METTL17: variants seen among roughly 807,000 people sequenced by gnomAD.
METTL17 encodes ribosome assembly protein METTL17, mitochondrial.
Under a neutral mutation model 59.4 loss-of-function variants are expected in METTL17, and 49 were observed. That is an observed-to-expected ratio of 0.82 (90% CI 0.66 to 1.05). METTL17 has a LOEUF of 1.05. Ranked by LOEUF, METTL17 falls within the 50% of genes least tolerant of loss-of-function variation. The probability of loss-of-function intolerance (pLI) is 0.00; values close to 1 mark genes in which losing one functional copy is unlikely to be tolerated. For synonymous variants in METTL17, 208 were observed against 209.2 expected, an observed-to-expected ratio of 0.99 and a Z score of 0.05; for missense variants, 555 against 578.4, an observed-to-expected ratio of 0.96 and a Z score of 0.41.
chr14:20,991,887 T>C (rs1880046004), intron 3 of METTL17: 11 of 408,376 alleles, frequency 2.7e-5, no homozygotes, highest in Non-Finnish European at 4.8e-5. Flanking sequence ...TGGGACAGGA[T>C]TGGTTAAGCT....
At chr14:20,992,922 C>A in intron 5 of METTL17, 196 bp from the exon 6 acceptor site, 1 of 613,226 alleles carries the variant, frequency 1.6e-6, no homozygotes. Context: ...TCTCTTTATC[C>A]TGTGAAAGCT....
Position 20,990,312 on chromosome 14 carries a change from C to T in METTL17, c.158C>T (p.Pro53Leu), listed in dbSNP as rs1217147907. The change falls in exon 2 of 14, where the codon CCT becomes CTT. Residue 53 changes from proline (P) to leucine (L), a missense_variant. Transcript: ENST00000339374. ...CAGAAGAGGCCTCATCGCCAGCACC[C>T]TGGCATCCTAAAGCTGCCGCACGTG... Reference protein sequence around the residue: ...FLQKRPHRQHPGILKLPHVRL... With the variant: ...FLQKRPHRQHLGILKLPHVRL... 1.2e-6 allele frequency: 2 copies of T among 1,614,272 alleles called. No homozygotes were observed. Among genetic ancestry groups the T allele is most frequent in the Admixed American group, 1.7e-5 (1 of 60,038 alleles).
intron 10 of METTL17, among the ~76,000 whole-genome samples, chr14:20,995,453 G>A (rs1443807982): frequency 2.0e-5 from 3 of 152,220 alleles, no homozygotes; most frequent in South Asian, 4.1e-4. Flanking sequence ...TTGTGCCTCT[G>A]TTGTCTGTGA....
At position 20,990,265 on chromosome 14, in the gene METTL17, A is replaced by G; in HGVS notation, c.111A>G (p.Val37=). ...LAALVPGVTQ[V]DNKSGFLQKR... ...CCTTAGTACCCGGAGTGACCCAGGTAGATAACAAGTCCGGTTTCCTGCAGA... is the reference window on the plus strand; with the variant it reads ...CCTTAGTACCCGGAGTGACCCAGGTGGATAACAAGTCCGGTTTCCTGCAGA... Residue 37 remains valine, a synonymous_variant, in exon 2 of 14, where the codon GTA becomes GTG. Transcript: ENST00000339374. The G allele has an allele frequency of 6.2e-7, 1 of 1,614,250 alleles. No individual in the cohort carries two copies. Among genetic ancestry groups the G allele is most frequent in the Non-Finnish European group, 8.5e-7 (1 of 1,180,036 alleles).
At chr14:20,994,186 G>A in intron 7 of METTL17, 123 bp downstream of exon 7, 2 of 719,370 alleles carry the variant, frequency 2.8e-6, no homozygotes, top group African/African-American at 1.8e-5. Context: ...TACTTTTAAA[G>A]TTATAGTCAA....
chr14:20,994,438 A>G lies in METTL17; in HGVS notation c.698-105A>G. ...ACCTGGCTCATCCCTGCCCTTTTTG[A>G]TATACACTTTACCTATTCTTGGGGC... On this transcript the variant is annotated intron_variant, in intron 7 of 13. Transcript: ENST00000339374. The G allele has an allele frequency of 3.1e-6, 3 of 973,184 alleles. No homozygotes were observed. The South Asian group carries it at 4.1e-5, about 13-fold the overall frequency. The allele number at this position is 973,184 out of a possible 1,614,324, so 60.3% of individuals were successfully genotyped here.
chr14:20,995,821 C>A, intron 10 of METTL17, 80 bp from the exon 11 acceptor site: 2 of 1,135,524 alleles, frequency 1.8e-6, no homozygotes, highest in South Asian at 1.2e-5. Flanking sequence ...AAGGAGTCCT[C>A]AGTTTACTGA....
At position 20,993,762 on chromosome 14, in the gene METTL17, T is replaced by C. The variant is rs184136726; in HGVS notation, c.603-207T>C. On this transcript the variant is annotated intron_variant, in intron 6 of 13. Coordinates refer to ENST00000339374, the MANE Select transcript of METTL17 (RefSeq NM_022734.3). ...TGCTGGGATTACAAGCATGAGCCAC[T>C]GTGCCCAGCTGAGTCTACCTTTTTT... 2,610 of 365,910 alleles carry C rather than the reference T, an allele frequency of 7.1e-3. 8 individuals carry two copies. Among genetic ancestry groups the C allele is most frequent in the Middle Eastern group, 0.028 (35 of 1,258 alleles). The allele number at this position is 365,910 out of a possible 1,614,324, so 22.7% of individuals were successfully genotyped here.
Position 20,993,116 on chromosome 14 carries a change from A to G in METTL17, c.529-2A>G. On this transcript the variant is annotated splice_acceptor_variant, in intron 5 of 13. Coordinates refer to ENST00000339374, the MANE Select transcript of METTL17 (RefSeq NM_022734.3). LOFTEE classifies it high-confidence loss of function. ...ACTGTGGGATGTTGTATATTTCTTC[A>G]GATCCGGGCTCGAAATCCAGCATTT... The G allele has an allele frequency of 1.9e-6, 3 of 1,614,020 alleles. No individual in the cohort carries two copies. The highest frequency in any genetic ancestry group is 1.3e-5 in the African/African-American group (1 of 75,038).
At position 20,990,012 on chromosome 14, in the gene METTL17, G is replaced by C. The variant is rs373355373; in HGVS notation, c.10G>C (p.Ala4Pro). 1.1e-5 allele frequency: 17 copies of C among 1,600,968 alleles called. No individual in the cohort carries two copies. The highest frequency in any genetic ancestry group is 1.3e-5 in the African/African-American group (1 of 74,596). The change falls in exon 1 of 14, where the codon GCA (alanine) becomes CCA (proline). Residue 4 changes from alanine to proline, a missense_variant. By Grantham distance (27) the Ala-to-Pro change is conservative. Coordinates refer to ENST00000339374, the MANE Select transcript of METTL17 (RefSeq NM_022734.3). MAA[A>P]LKCLLTLGRW... is the part of the protein sequence containing the mutation. ...GTTCGCCTCCGGAGCCATGGCGGCG[G>C]CACTGAAGTGTCTACTGACATTAGG...
chr14:20,996,700 C>T lies in METTL17; in HGVS notation c.1254C>T (p.Arg418=), dbSNP rs758402079. Residue 418 remains arginine (R), a synonymous_variant, in exon 13 of 14, where the codon CGC becomes CGT. Coordinates refer to ENST00000339374, the MANE Select transcript of METTL17 (RefSeq NM_022734.3). ...TGCAGCATGCTGTGCTCACAGCCCG[C>T]CGGCACGGCAGGTATGGGGGGTGTG... The part of the protein sequence containing the change: ...GHMQHAVLTA[R]RHGRDLYRCA... 1.2e-6 allele frequency: 2 copies of T among 1,614,244 alleles called. No individual in the cohort carries two copies. Among genetic ancestry groups the T allele is most frequent in the Non-Finnish European group, 1.7e-6 (2 of 1,180,042 alleles).
chr14:20,995,256 T>C, intron 10 of METTL17, 23 bp downstream of exon 10: 2 of 1,593,458 alleles, frequency 1.3e-6, no homozygotes, highest in Non-Finnish European at 1.7e-6. Flanking sequence ...CTTCCCTCAC[T>C]CCCCCACCCA....
chr14:20,996,092 T>G, intron 11 of METTL17, 117 bp from the exon 12 acceptor site: 1 of 1,269,648 alleles, frequency 7.9e-7, no homozygotes, highest in Non-Finnish European at 1.1e-6. Flanking sequence ...TGGCTCTTCC[T>G]ACCCACTGCT....
At chr14:20,995,658 G>C (rs1237455604) in intron 10 of METTL17, among the ~76,000 whole-genome samples, 2 of 152,146 alleles carry the variant, frequency 1.3e-5, no homozygotes, top group African/African-American at 4.8e-5. Flanking sequence ...ATTTTTTTGA[G>C]AGTGGAGGTT....
chr14:20,990,509 G>A lies in METTL17; in HGVS notation c.275G>A (p.Ser92Asn). ...GAGAATCAGGTGCAAACACTGACCA[G>A]TTATCTCTGGAGCAGACATTTGCCT... The part of the protein sequence containing the change: ...TMENQVQTLT[S>N]YLWSRHLPVE... Residue 92 changes from serine (S) to asparagine (N), a missense_variant, in exon 3 of 14, where the codon AGT (serine) becomes AAT (asparagine). Physicochemically the swap from Ser to Asn is conservative, Grantham distance 46. Coordinates refer to ENST00000339374, the MANE Select transcript of METTL17 (RefSeq NM_022734.3). 2 of 1,614,254 alleles carry A rather than the reference G, an allele frequency of 1.2e-6. No individual in the cohort carries two copies. Among genetic ancestry groups the A allele is most frequent in the Non-Finnish European group, 1.7e-6 (2 of 1,180,050 alleles).
intron 3 of METTL17, chr14:20,991,886 A>AT (rs1388722146): frequency 4.2e-5 from 17 of 408,444 alleles, no homozygotes; most frequent in Non-Finnish European, 6.1e-5. Context: ...GTGGGACAGG[A>AT]TTGGTTAAGC....
At chr14:20,993,398 G>A (rs754781603) in intron 6 of METTL17, 24 of 482,800 alleles carry the variant, frequency 5.0e-5, no homozygotes, top group South Asian at 2.1e-4. Flanking sequence ...AAAAAAAGGC[G>A]CATGTGTAGA....
In METTL17 at chr14:20,993,684, AG is replaced by A. The variant is rs760460811; in HGVS notation, c.603-283del. 99 of 239,476 alleles carry A rather than the reference AG, an allele frequency of 4.1e-4. 1 individual carries two copies. The highest frequency in any genetic ancestry group is 7.2e-4 in the Non-Finnish European group (89 of 123,314). 14.8% of individuals were successfully genotyped at this position (239,476 alleles called of 1,614,324 possible). On this transcript the variant is annotated intron_variant, in intron 6 of 13. Coordinates refer to ENST00000339374, the MANE Select transcript of METTL17 (RefSeq NM_022734.3). ...GAGACGGGGTTTCACCATATTGGCCAGGCTGGTCTCTAACTCCTGACCTTGT... is the reference window on the plus strand; with the variant it reads ...GAGACGGGGTTTCACCATATTGGCCAGCTGGTCTCTAACTCCTGACCTTGT...
chr14:20,990,345 C>T lies in METTL17; in HGVS notation c.191C>T (p.Pro64Leu), dbSNP rs981752320. The part of the protein sequence containing the change: ...GILKLPHVRL[P>L]QALANGAQLL... ...CTAAAGCTGCCGCACGTGCGGCTGC[C>T]ACAGGCACTGGCTAACGGTGCCCAG... is the stretch of plus-strand genomic sequence containing the variant. Residue 64 changes from proline to leucine, a missense_variant, in exon 2 of 14, where the codon CCA becomes CTA. Coordinates refer to ENST00000339374, the MANE Select transcript of METTL17 (RefSeq NM_022734.3). 4.3e-6 allele frequency: 7 copies of T among 1,614,116 alleles called. No individual in the cohort carries two copies. Among genetic ancestry groups the T allele is most frequent in the Non-Finnish European group, 5.9e-6 (7 of 1,180,038 alleles).
Sources: allele counts gnomAD v4.1 joint callset (sites outside exome capture counted in the v4.1 genomes callset), GRCh38; gene constraint gnomAD v4.1.1; transcripts MANE v1.5; gene names NCBI Gene and HGNC (gene_info 2026-07-23, HGNC 2026-07-21).